GPR161: variants seen among roughly 807,000 people sequenced by gnomAD.
GPR161 encodes G-protein coupled receptor RE2.
GPR161 carries 25 observed loss-of-function variants against 39.2 expected under a neutral mutation model. That is an observed-to-expected ratio of 0.64 (90% CI 0.47 to 0.89). GPR161 has a LOEUF of 0.89. Ranked by LOEUF, GPR161 falls within the 40% of genes least tolerant of loss-of-function variation. The pLI, the probability that GPR161 is intolerant of heterozygous loss-of-function variation, is 0.00. For missense variants in GPR161, 547 were observed against 677.8 expected (o/e 0.81, Z 2.14); for synonymous variants, 286 against 276.6 (o/e 1.03, Z -0.34).
intron 2 of GPR161, among the ~76,000 whole-genome samples, chr1:168,101,503 T>C (rs1486413141): frequency 1.3e-5 from 2 of 152,188 alleles, no homozygotes; most frequent in African/African-American, 2.4e-5. Context: ...AGCTGGCTGC[T>C]GGAATGACTG....
At position 168,132,514 on chromosome 1, in the gene GPR161, G is replaced by T. The variant is rs374101943; in HGVS notation, c.-45+4225C>A. 3.8e-3 allele frequency among the ~76,000 whole-genome samples: 576 copies of T among 150,250 alleles called. 2 individuals are homozygous for T. The highest frequency in any genetic ancestry group is 6.9e-3 in the Middle Eastern group (2 of 290). Reference sequence around the variant, plus strand: ...GAGGCAGGAGAATGGCGTGAACCCGGAAGATGGAGCTTGCAGTGAGCCGAG... The same window carrying T: ...GAGGCAGGAGAATGGCGTGAACCCGTAAGATGGAGCTTGCAGTGAGCCGAG... On this transcript the variant is annotated intron_variant, in intron 1 of 5. Coordinates refer to ENST00000682931, the MANE Select transcript of GPR161 (RefSeq NM_001375883.1).
chr1:168,110,538 GAAAGAAAAGAAAAGAAAAGA>G (rs56209524), intron 1 of GPR161, among the ~76,000 whole-genome samples: 1,082 of 79,616 alleles, frequency 0.014, 36 homozygotes, highest in South Asian at 0.014. Context: ...GAAAGGAAAG[GAAAGAAAAGAAAAGAAAAGA>G]AAAGAAAAGA....
At chr1:168,116,776 G>C (rs1485868974) in intron 1 of GPR161, among the ~76,000 whole-genome samples, 1 of 152,214 alleles carries the variant, frequency 6.6e-6, no homozygotes, top group African/African-American at 2.4e-5. Context: ...CGCAGAGTCT[G>C]TTGCAATGCA....
chr1:168,102,757 T>C (rs2102164434), intron 2 of GPR161, among the ~76,000 whole-genome samples: 1 of 151,362 alleles, frequency 6.6e-6, no homozygotes, highest in African/African-American at 2.4e-5. Flanking sequence ...CAGCTCTCCA[T>C]CTCTGCAACT....
chr1:168,109,414 T>C (rs1696921495), intron 1 of GPR161, among the ~76,000 whole-genome samples: 1 of 152,170 alleles, frequency 6.6e-6, no homozygotes, highest in Non-Finnish European at 1.5e-5. Flanking sequence ...CTATTATAGT[T>C]TAAGTCCCCT....
At chr1:168,132,697 G>A (rs1286066134) in intron 1 of GPR161, among the ~76,000 whole-genome samples, 3 of 152,142 alleles carry the variant, frequency 2.0e-5, no homozygotes, top group Admixed American at 6.5e-5. Flanking sequence ...ATTTCTGAAA[G>A]AGAGAAAACA....
Position 168,098,814 on chromosome 1 carries a change from C to T in GPR161, c.375-1582G>A, listed in dbSNP as rs967708388. Among the ~76,000 whole-genome samples the T allele has an allele frequency of 6.6e-5, 10 of 152,312 alleles. No homozygotes were observed. Among genetic ancestry groups the T allele is most frequent in the South Asian group, 2.1e-4 (1 of 4,826 alleles). Reference sequence around the variant, plus strand: ...GCTGGGTAAGGTGATTACTGTCTTTCGCTGCTATCTGGGCTTGCATCTTGC... The same window carrying T: ...GCTGGGTAAGGTGATTACTGTCTTTTGCTGCTATCTGGGCTTGCATCTTGC... On this transcript the variant is annotated intron_variant, in intron 2 of 5. Coordinates refer to ENST00000682931, the MANE Select transcript of GPR161 (RefSeq NM_001375883.1). The surrounding 1 kb of genome is among the most constrained non-coding windows in gnomAD (Gnocchi z 4.1).
chr1:168,118,775 T>C (rs1315404956), intron 1 of GPR161: 1 of 152,060 alleles, frequency 6.6e-6, no homozygotes, highest in African/African-American at 2.4e-5. Context: ...AGTTTTTAAA[T>C]AGACAAATGA....
chr1:168,088,048 C>T, intron 4 of GPR161: 1 of 206,858 alleles, frequency 4.8e-6, no homozygotes, highest in Admixed American at 5.3e-5. Context: ...GGAGAGGGTC[C>T]TACTAAAAGG....
intron 1 of GPR161, among the ~76,000 whole-genome samples, chr1:168,123,413 G>A (rs1183973950): frequency 2.6e-5 from 4 of 152,038 alleles, no homozygotes; most frequent in African/African-American, 9.7e-5. Context: ...ATCTATGATT[G>A]TACCACTACA....
intron 1 of GPR161, among the ~76,000 whole-genome samples, chr1:168,110,495 T>C (rs1175800162): frequency 1.5e-5 from 1 of 66,018 alleles, no homozygotes; most frequent in Non-Finnish European, 2.9e-5. Flanking sequence ...TGAGACCCTG[T>C]CAACATTAAA....
At chr1:168,133,926 A>T in intron 1 of GPR161, 1 of 956,246 alleles carries the variant, frequency 1.0e-6, no homozygotes, top group Non-Finnish European at 1.2e-6. Flanking sequence ...AAAGACCTAA[A>T]AAGACAGACA....
In GPR161 at chr1:168,096,756, C is replaced by A. The variant is rs535319570; in HGVS notation, c.851G>T (p.Gly284Val). 6.2e-7 allele frequency: 1 copy of A among 1,614,050 alleles called. No homozygotes were observed. Among genetic ancestry groups the A allele is most frequent in the African/African-American group, 1.3e-5 (1 of 75,014 alleles). The change falls in exon 3 of 6, where the codon GGC becomes GTC. Residue 284 changes from glycine to valine, a missense_variant. Transcript: ENST00000682931. ...VVLGAFMVTW[G>V]PYMVVIASEA... The stretch of plus-strand genomic sequence containing the variant: ...AGAGGCGATGACAACCATGTAGGGG[C>A]CCCAGGTGACCATGAAGGCACCGAG...
At chr1:168,093,504 T>G (rs1407131026) in intron 3 of GPR161, among the ~76,000 whole-genome samples, 1 of 152,262 alleles carries the variant, frequency 6.6e-6, no homozygotes, top group Non-Finnish European at 1.5e-5. Context: ...TTTGCTCATA[T>G]GCACTGCTTT....
intron 5 of GPR161, among the ~76,000 whole-genome samples, chr1:168,087,081 C>T (rs546336922): frequency 3.9e-5 from 6 of 152,120 alleles, no homozygotes; most frequent in South Asian, 2.1e-4. Flanking sequence ...TGGGGGTGAG[C>T]GGGGAAGATA....
chr1:168,120,586 G>A (rs1385208080), intron 1 of GPR161, among the ~76,000 whole-genome samples: 2 of 152,092 alleles, frequency 1.3e-5, no homozygotes, highest in Non-Finnish European at 2.9e-5. Flanking sequence ...GGGGCCGGGG[G>A]AAGAATGATA....
chr1:168,121,530 G>A (rs977733777), intron 1 of GPR161, among the ~76,000 whole-genome samples: 67 of 152,032 alleles, frequency 4.4e-4, no homozygotes, highest in Non-Finnish European at 8.8e-4. Flanking sequence ...GGAGGTCCAC[G>A]TCAACCTCCT....
intron 2 of GPR161, among the ~76,000 whole-genome samples, chr1:168,102,036 TG>T (rs1558107486): frequency 6.6e-6 from 1 of 152,120 alleles, no homozygotes; most frequent in Non-Finnish European, 1.5e-5. Context: ...CTCCTGACTT[TG>T]GGTGATCCAC....
intron 1 of GPR161, among the ~76,000 whole-genome samples, chr1:168,117,506 C>T (rs185674087): frequency 4.2e-4 from 64 of 152,256 alleles, no homozygotes; most frequent in Non-Finnish European, 7.1e-4. Flanking sequence ...CTTAACCCCC[C>T]CCTGCATCAG....
Sources: allele counts gnomAD v4.1 joint callset (sites outside exome capture counted in the v4.1 genomes callset), GRCh38; gene constraint gnomAD v4.1.1; non-coding constraint Gnocchi (gnomAD v3.1); transcripts MANE v1.5; gene names NCBI Gene and HGNC (gene_info 2026-07-23, HGNC 2026-07-21).